The following NR3C1 variants were observed in gnomAD, a reference collection of about 807,000 sequenced individuals.
NR3C1 encodes the protein glucocorticoid receptor.
NR3C1 carries 14 observed loss-of-function variants against 74.0 expected under a neutral mutation model. The ratio of observed to expected loss-of-function variants is 0.19; its 90% confidence interval spans 0.12 to 0.30. The LOEUF (loss-of-function observed/expected upper bound fraction) is 0.30. Ranked by LOEUF, NR3C1 falls within the 10% of genes least tolerant of loss-of-function variation. The pLI is 1.00. For synonymous variants in NR3C1, 308 were observed against 332.5 expected (o/e 0.93, Z 0.80); for missense variants, 695 against 909.8 (o/e 0.76, Z 3.04).
chr5:143,363,886 T>C (rs1411794710), intron 2 of NR3C1, among the ~76,000 whole-genome samples: 1 of 151,978 alleles, frequency 6.6e-6, no homozygotes, highest in African/African-American at 2.4e-5. Flanking sequence ...AGGAAAAAAC[T>C]GGACAGAGTC....
intron 1 of NR3C1, among the ~76,000 whole-genome samples, chr5:143,419,102 T>G (rs765277215): frequency 9.2e-5 from 14 of 152,338 alleles, no homozygotes; most frequent in Middle Eastern, 3.4e-3. Context: ...TTTCAGATTT[T>G]GGATTTTTGG....
At chr5:143,388,448 TAG>T (rs1837648182) in intron 2 of NR3C1, among the ~76,000 whole-genome samples, 2 of 152,206 alleles carry the variant, frequency 1.3e-5, no homozygotes, top group South Asian at 4.1e-4. Flanking sequence ...CATGTATTTG[TAG>T]AGGTCTTACT....
At chr5:143,405,794 G>A (rs770411419), upstream of NR3C1, among the ~76,000 whole-genome samples, 1 of 152,086 alleles carries the variant, frequency 6.6e-6, no homozygotes. Context: ...GGCAGACTCC[G>A]CTTCTCCTGT....
chr5:143,346,980 C>T (rs1029845815), intron 2 of NR3C1, among the ~76,000 whole-genome samples: 6 of 152,218 alleles, frequency 3.9e-5, no homozygotes, highest in Non-Finnish European at 7.3e-5. Flanking sequence ...TTCTGATTTA[C>T]AACACAGGCT....
chr5:143,344,588 G>A (rs1828868918), intron 2 of NR3C1, among the ~76,000 whole-genome samples: 1 of 152,078 alleles, frequency 6.6e-6, no homozygotes, highest in African/African-American at 2.4e-5. Context: ...AAAAAATGAT[G>A]CTGACTGGGC....
intron 2 of NR3C1, among the ~76,000 whole-genome samples, chr5:143,374,871 C>A (rs1175103893): frequency 1.3e-5 from 2 of 152,098 alleles, no homozygotes; most frequent in Admixed American, 1.3e-4. Context: ...CACATACATG[C>A]ACTCACATGT....
chr5:143,316,896 T>C (rs1822209989), intron 2 of NR3C1, among the ~76,000 whole-genome samples: 1 of 152,142 alleles, frequency 6.6e-6, no homozygotes, highest in South Asian at 2.1e-4. Context: ...TTACAATGTA[T>C]GCAAAACATG....
chr5:143,364,077 A>ATGTGATG (rs1832760852), intron 2 of NR3C1, among the ~76,000 whole-genome samples: 2 of 152,226 alleles, frequency 1.3e-5, no homozygotes, highest in Non-Finnish European at 2.9e-5. Context: ...AATAAAGTAC[A>ATGTGATG]CACCTAAATG....
chr5:143,324,352 T>C (rs1024448675), intron 2 of NR3C1, among the ~76,000 whole-genome samples: 1 of 152,210 alleles, frequency 6.6e-6, no homozygotes, highest in African/African-American at 2.4e-5. Context: ...CAGCACCATG[T>C]GGAAGCTGCC....
chr5:143,319,099 T>C lies in NR3C1; in HGVS notation c.1185-4931A>G, dbSNP rs138730661. 5.0e-3 allele frequency among the ~76,000 whole-genome samples: 767 copies of C among 152,280 alleles called. 3 individuals are homozygous for C. The highest frequency in any genetic ancestry group is 0.017 in the African/African-American group (723 of 41,550). On this transcript the variant is annotated intron_variant, in intron 2 of 8. Transcript: ENST00000394464. ...GGCCCCATGGACCACACTGGAAGAA[T>C]TGTTGTTATGGAGACTAGTAAGGTA... is the stretch of plus-strand genomic sequence containing the variant.
chr5:143,422,900 C>A (rs771154802), intron 1 of NR3C1, among the ~76,000 whole-genome samples: 33 of 151,586 alleles, frequency 2.2e-4, no homozygotes, highest in Non-Finnish European at 3.1e-4. Flanking sequence ...GTTCATTTTC[C>A]CTTCTCTCTT....
chr5:143,312,591 T>C (rs544581363), intron 3 of NR3C1, among the ~76,000 whole-genome samples: 1 of 152,320 alleles, frequency 6.6e-6, no homozygotes, highest in South Asian at 2.1e-4. Flanking sequence ...TTCTAGCAGG[T>C]ATTAAGAATG....
intron 2 of NR3C1, among the ~76,000 whole-genome samples, chr5:143,397,562 A>C (rs922256246): frequency 6.6e-6 from 1 of 151,976 alleles, no homozygotes; most frequent in Non-Finnish European, 1.5e-5. Context: ...TAATGCCATA[A>C]GGTATAAAAT....
chr5:143,327,989 C>T (rs947210910), intron 2 of NR3C1, among the ~76,000 whole-genome samples: 1 of 152,254 alleles, frequency 6.6e-6, no homozygotes, highest in Non-Finnish European at 1.5e-5. Flanking sequence ...AGGGATCCAA[C>T]CCCATATTTC....
chr5:143,289,537 C>A (rs150024563), intron 7 of NR3C1, among the ~76,000 whole-genome samples: 1 of 152,264 alleles, frequency 6.6e-6, no homozygotes, highest in South Asian at 2.1e-4. Flanking sequence ...AACAAAGACA[C>A]GAAGCTTTCT....
At chr5:143,298,327 A>T (rs1330724032) in intron 6 of NR3C1, among the ~76,000 whole-genome samples, 1 of 152,190 alleles carries the variant, frequency 6.6e-6, no homozygotes, top group Non-Finnish European at 1.5e-5. Flanking sequence ...CTGAATCCAC[A>T]TGAGTTTTAC....
At chr5:143,337,041 A>C (rs985882671) in intron 2 of NR3C1, among the ~76,000 whole-genome samples, 2 of 152,156 alleles carry the variant, frequency 1.3e-5, no homozygotes, top group Non-Finnish European at 1.5e-5. Flanking sequence ...GCGCACACAC[A>C]CATATATATC....
chr5:143,411,530 T>C (rs1016859432), intron 1 of NR3C1, among the ~76,000 whole-genome samples: 13 of 152,218 alleles, frequency 8.5e-5, no homozygotes, highest in African/African-American at 2.9e-4. Context: ...TGATTGGATA[T>C]TAATCAGATA....
chr5:143,366,772 A>C (rs1227817745), intron 2 of NR3C1, among the ~76,000 whole-genome samples: 3 of 152,238 alleles, frequency 2.0e-5, no homozygotes, highest in Non-Finnish European at 4.4e-5. Flanking sequence ...AAAAAATCTG[A>C]ATGGACTTAT....
Sources: gnomAD v4.1 joint callset for allele counts (sites outside exome capture counted in the v4.1 genomes callset) on GRCh38, gnomAD v4.1.1 for gene constraint, MANE v1.5 for transcripts, NCBI Gene and HGNC (gene_info 2026-07-23, HGNC 2026-07-21) for gene names.